SSBP3: variants seen among roughly 807,000 people sequenced by gnomAD.
SSBP3 encodes single-stranded DNA-binding protein 3.
Under a neutral mutation model 69.6 loss-of-function variants are expected in SSBP3, and 5 were observed. The observed-to-expected ratio is 0.07, with a 90% confidence interval of 0.04 to 0.15. The LOEUF (loss-of-function observed/expected upper bound fraction) is 0.15. SSBP3 is among the 10% of genes least tolerant of loss of function. SSBP3 has a pLI of 1.00. For synonymous variants in SSBP3, 196 were observed against 193.4 expected (o/e 1.01, Z -0.11); for missense variants, 312 against 534.0 (o/e 0.58, Z 4.10).
intron 4 of SSBP3, among the ~76,000 whole-genome samples, chr1:54,305,228 A>G (rs945118375): frequency 2.0e-5 from 3 of 152,198 alleles, no homozygotes. Flanking sequence ...CGAGGAATAA[A>G]GACATTCAGT....
intron 5 of SSBP3, among the ~76,000 whole-genome samples, chr1:54,274,617 C>G (rs1645252082): frequency 6.6e-6 from 1 of 152,160 alleles, no homozygotes; most frequent in African/African-American, 2.4e-5. Flanking sequence ...CAGTCACAGG[C>G]AGGAAAGCTG....
intron 4 of SSBP3, among the ~76,000 whole-genome samples, chr1:54,293,495 G>A (rs1645645243): frequency 6.6e-6 from 1 of 152,136 alleles, no homozygotes; most frequent in South Asian, 2.1e-4. Context: ...ACATTTATTG[G>A]GGTCCCATTC....
chr1:54,390,862 G>A (rs1025857509), intron 4 of SSBP3, among the ~76,000 whole-genome samples: 1 of 152,180 alleles, frequency 6.6e-6, no homozygotes, highest in Non-Finnish European at 1.5e-5. Context: ...AGAGCCTCCA[G>A]AGAGAGGAGA....
chr1:54,235,096 G>A (rs1437457560), intron 14 of SSBP3, among the ~76,000 whole-genome samples: 1 of 152,068 alleles, frequency 6.6e-6, no homozygotes, highest in East Asian at 1.9e-4. Context: ...TATACACAAA[G>A]TACCTCCGGT....
At chr1:54,369,998 G>A (rs1647101890) in intron 4 of SSBP3, among the ~76,000 whole-genome samples, 1 of 152,144 alleles carries the variant, frequency 6.6e-6, no homozygotes, top group African/African-American at 2.4e-5. Context: ...CAAGATGCCT[G>A]GAAGAGAAGT....
intron 4 of SSBP3, among the ~76,000 whole-genome samples, chr1:54,323,934 A>G (rs1057019537): frequency 6.6e-6 from 1 of 152,334 alleles, no homozygotes; most frequent in Non-Finnish European, 1.5e-5. Context: ...CCCAGAGAAG[A>G]TTAACTGAGT....
chr1:54,391,878 TCCAC>T (rs1570034398), intron 4 of SSBP3, among the ~76,000 whole-genome samples: 2 of 151,950 alleles, frequency 1.3e-5, no homozygotes, highest in East Asian at 3.9e-4. Flanking sequence ...AGGAACCCCC[TCCAC>T]CCACCCACCT....
At chr1:54,257,559 GCAGA>G (rs1644944243) in intron 6 of SSBP3, among the ~76,000 whole-genome samples, 1 of 152,162 alleles carries the variant, frequency 6.6e-6, no homozygotes, top group South Asian at 2.1e-4. Flanking sequence ...TTAAGGGCCT[GCAGA>G]CAAAGCTGGA....
At chr1:54,288,038 A>G (rs1478548872) in intron 4 of SSBP3, among the ~76,000 whole-genome samples, 2 of 152,160 alleles carry the variant, frequency 1.3e-5, no homozygotes, top group Non-Finnish European at 2.9e-5. Context: ...GCACCAATGG[A>G]CGGCCCTGGG....
At chr1:54,299,721 G>C (rs1645767211) in intron 4 of SSBP3, among the ~76,000 whole-genome samples, 1 of 152,162 alleles carries the variant, frequency 6.6e-6, no homozygotes. Context: ...TCTAGACACG[G>C]ACATGAGGCC....
At chr1:54,316,600 C>G (rs1646103095) in intron 4 of SSBP3, among the ~76,000 whole-genome samples, 1 of 140,916 alleles carries the variant, frequency 7.1e-6, no homozygotes, top group Non-Finnish European at 1.5e-5. Flanking sequence ...GAGATTGCGC[C>G]ACTGCAGTCC....
chr1:54,241,070 G>A (rs1189353656), intron 12 of SSBP3, 111 bp from the exon 13 acceptor site: 8 of 1,173,448 alleles, frequency 6.8e-6, no homozygotes, highest in Non-Finnish European at 7.2e-6. Flanking sequence ...AGGCCCAGCC[G>A]CTATTCATCT....
intron 4 of SSBP3, among the ~76,000 whole-genome samples, chr1:54,380,204 C>G (rs1647508944): frequency 1.3e-5 from 2 of 152,190 alleles, no homozygotes; most frequent in African/African-American, 4.8e-5. Context: ...CGCAGAGCAG[C>G]GGACGCCACT....
In SSBP3 at chr1:54,285,676, TTG is replaced by T. The variant is rs200383321; in HGVS notation, c.277-4151_277-4150del. 1.0e-2 allele frequency among the ~76,000 whole-genome samples: 1,519 copies of T among 152,228 alleles called. 32 individuals carry two copies. The highest frequency in any genetic ancestry group is 0.035 in the African/African-American group (1,433 of 41,530). ...CGGCCTCCCTCTGTGGTTTCCAACT[TTG>T]AGCTGGAGCTCCATTAAGGCGCTCA... On this transcript the variant is annotated intron_variant, in intron 4 of 17. Transcript: ENST00000610401.
At chr1:54,247,506 T>C (rs145030765) in intron 9 of SSBP3, among the ~76,000 whole-genome samples, 68 of 152,270 alleles carry the variant, frequency 4.5e-4, no homozygotes, top group Admixed American at 7.8e-4. Context: ...CCCATCTCTT[T>C]TGGGGGCCTC....
intron 4 of SSBP3, among the ~76,000 whole-genome samples, chr1:54,321,684 AC>A (rs1287203560): frequency 1.3e-5 from 2 of 152,258 alleles, no homozygotes; most frequent in Non-Finnish European, 2.9e-5. Flanking sequence ...CAGCTCACTG[AC>A]TTGCAGATGG....
intron 14 of SSBP3, 26 bp downstream of exon 14, chr1:54,239,103 T>C (rs377053655): frequency 1.0e-5 from 16 of 1,591,520 alleles, no homozygotes; most frequent in Non-Finnish European, 1.3e-5. Context: ...GTGTCTGATA[T>C]GTAAATTATT....
intron 3 of SSBP3, among the ~76,000 whole-genome samples, chr1:54,403,191 C>T (rs529428365): frequency 1.3e-5 from 2 of 152,314 alleles, no homozygotes; most frequent in South Asian, 2.1e-4. Context: ...CTCTACGTTC[C>T]TGCGGCTGAG....
chr1:54,301,748 A>G (rs1040183198), intron 4 of SSBP3, among the ~76,000 whole-genome samples: 4 of 151,330 alleles, frequency 2.6e-5, no homozygotes, highest in Non-Finnish European at 5.9e-5. Flanking sequence ...TCCCCCACCC[A>G]CCTGTCCGGC....
Sources: allele counts gnomAD v4.1 joint callset (sites outside exome capture counted in the v4.1 genomes callset), GRCh38; gene constraint gnomAD v4.1.1; transcripts MANE v1.5; gene names NCBI Gene and HGNC (gene_info 2026-07-23, HGNC 2026-07-21).